SPTBN1: variants seen among roughly 807,000 people sequenced by gnomAD.
SPTBN1 encodes spectrin beta chain, non-erythrocytic 1.
Under a neutral mutation model 266.4 loss-of-function variants are expected in SPTBN1, and 32 were observed. The observed-to-expected ratio is 0.12, with a 90% CI of 0.09 to 0.16. The LOEUF (loss-of-function observed/expected upper bound fraction) is 0.16. Among genes scored for constraint, SPTBN1 ranks in the 10% least tolerant of loss-of-function variants. The pLI is 1.00. For missense variants in SPTBN1, 2,296 were observed against 3,067.1 expected (o/e 0.75, Z 5.94); for synonymous variants, 1,336 against 1,162.2 (o/e 1.15, Z -3.04).
intron 5 of SPTBN1, 34 bp from the exon 6 acceptor site, chr2:54,617,574 G>T (rs370059946): frequency 6.2e-7 from 1 of 1,605,324 alleles, no homozygotes; most frequent in African/African-American, 1.3e-5. Flanking sequence ...TGTGGTAATT[G>T]TGTTGCTTTT....
chr2:54,666,938 C>A (rs1681409435), intron 34 of SPTBN1, among the ~76,000 whole-genome samples: 1 of 152,160 alleles, frequency 6.6e-6, no homozygotes, highest in Non-Finnish European at 1.5e-5. Flanking sequence ...GACAATGCAC[C>A]GGCAGCCTGG....
At chr2:54,463,484 T>G (rs1217516281) in intron 1 of SPTBN1, among the ~76,000 whole-genome samples, 1 of 152,204 alleles carries the variant, frequency 6.6e-6, no homozygotes, top group Non-Finnish European at 1.5e-5. Context: ...GGCCCCAGGC[T>G]TCAGGCTCTT....
intron 1 of SPTBN1, among the ~76,000 whole-genome samples, chr2:54,485,824 G>T (rs894979155): frequency 2.0e-5 from 3 of 149,610 alleles, no homozygotes; most frequent in African/African-American, 7.4e-5. Flanking sequence ...TGAGATGTGG[G>T]GAGCGCCTCT....
At chr2:54,496,173 A>G (rs989755555) in intron 1 of SPTBN1, among the ~76,000 whole-genome samples, 14 of 152,176 alleles carry the variant, frequency 9.2e-5, no homozygotes, top group Non-Finnish European at 1.2e-4. Flanking sequence ...ACGATGACTC[A>G]CACCTGTAAT....
chr2:54,566,185 CTTT>C (rs59369956), intron 2 of SPTBN1, among the ~76,000 whole-genome samples: 9 of 125,206 alleles, frequency 7.2e-5, no homozygotes, highest in Admixed American at 8.3e-5. Context: ...TTTCTTTTTT[CTTT>C]TTTTTTTTTT....
Position 54,554,383 on chromosome 2 carries a change from C to T in SPTBN1, c.148+27817C>T, listed in dbSNP as rs1181098144. The stretch of plus-strand genomic sequence containing the variant: ...TGCAAAATGGTGACCATACCTGCCT[C>T]ACAGGGTTAGTCACTTGAGAAAATA... On this transcript the variant is annotated intron_variant, in intron 2 of 35. Transcript: ENST00000356805. The surrounding 1 kb of genome is among the most constrained non-coding windows in gnomAD (Gnocchi z 4.5). Among the ~76,000 whole-genome samples, 1 of 152,144 alleles carries T rather than the reference C, an allele frequency of 6.6e-6. No homozygotes were observed. Among genetic ancestry groups the T allele is most frequent in the Non-Finnish European group, 1.5e-5 (1 of 68,028 alleles).
chr2:54,589,498 T>C (rs1262101609), intron 2 of SPTBN1, among the ~76,000 whole-genome samples: 2 of 152,220 alleles, frequency 1.3e-5, no homozygotes, highest in African/African-American at 4.8e-5. Flanking sequence ...ATGGTGGGTT[T>C]TGTAGTCGGC....
chr2:54,555,983 T>C (rs1271034945), intron 2 of SPTBN1, among the ~76,000 whole-genome samples: 1 of 152,262 alleles, frequency 6.6e-6, no homozygotes, highest in Non-Finnish European at 1.5e-5. Flanking sequence ...TTTGGTACTT[T>C]ACTGTTTGCA....
intron 1 of SPTBN1, among the ~76,000 whole-genome samples, chr2:54,517,607 G>C (rs1232824914): frequency 3.3e-5 from 5 of 150,582 alleles, no homozygotes; most frequent in African/African-American, 9.8e-5. Context: ...ATCTGATTTT[G>C]TGAATTTTGG....
rs1333770911 is a variant in SPTBN1 at position 54,459,302 on chromosome 2, A to G, written c.-48+2784A>G. On this transcript the variant is annotated intron_variant, in intron 1 of 35. Coordinates refer to ENST00000356805, the MANE Select transcript of SPTBN1 (RefSeq NM_003128.3). ...TTCTGTGAAGAACTTCTCTTGGGCA[A>G]GACTAGTAACAACTATCTGTGATGT... Among the ~76,000 whole-genome samples the G allele has an allele frequency of 4.6e-5, 7 of 152,352 alleles. No homozygotes were observed. In the East Asian group the frequency reaches 1.2e-3, roughly 25 times the overall value.
chr2:54,535,827 C>G (rs753399625), intron 2 of SPTBN1, among the ~76,000 whole-genome samples: 4 of 152,182 alleles, frequency 2.6e-5, no homozygotes, highest in Non-Finnish European at 5.9e-5. Context: ...GCCTGGCCAA[C>G]ATGGTAAAAA....
At position 54,649,702 on chromosome 2, in the gene SPTBN1, G is replaced by C. The variant is rs1480769541; in HGVS notation, c.5290G>C (p.Glu1764Gln). ...RVDTVNHLAD[E>Q]LINSGHSDAA... ...GGACACGGTCAATCACCTGGCAGAT[G>C]AGCTCATCAACTCTGGACATTCAGA... Residue 1764 changes from glutamate to glutamine, a missense_variant, in exon 26 of 36, where the codon GAG becomes CAG. Physicochemically the swap from Glu to Gln is conservative, Grantham distance 29 (BLOSUM62 2). Transcript: ENST00000356805. This position sits in a 1 kb window ranked among gnomAD's most constrained non-coding sequence, Gnocchi z 6.7. 3 of 1,614,036 alleles carry C rather than the reference G, an allele frequency of 1.9e-6. No homozygotes were observed. The African/African-American group carries it at 4.0e-5, about 22-fold the overall frequency.
At chr2:54,657,127 C>G (rs1304459827) in intron 29 of SPTBN1, among the ~76,000 whole-genome samples, 2 of 152,232 alleles carry the variant, frequency 1.3e-5, no homozygotes, top group African/African-American at 2.4e-5. Context: ...AAGCCTGGTT[C>G]TAACCTACCT....
At chr2:54,459,733 T>G (rs961913540) in intron 1 of SPTBN1, among the ~76,000 whole-genome samples, 1 of 152,182 alleles carries the variant, frequency 6.6e-6, no homozygotes, top group Non-Finnish European at 1.5e-5. Flanking sequence ...ATGCAAACCA[T>G]TCTTCCAGAA....
intron 2 of SPTBN1, among the ~76,000 whole-genome samples, chr2:54,581,714 A>G (rs1460930323): frequency 4.6e-5 from 7 of 150,582 alleles, no homozygotes; most frequent in Non-Finnish European, 1.0e-4. Context: ...TTCTCTTGTC[A>G]TTACTACTTC....
At chr2:54,488,150 G>C (rs1021973649) in intron 1 of SPTBN1, among the ~76,000 whole-genome samples, 1 of 151,986 alleles carries the variant, frequency 6.6e-6, no homozygotes, top group Admixed American at 6.6e-5. Context: ...TTATGAATAA[G>C]AATTTCTAGT....
chr2:54,480,234 G>A (rs1192233741), intron 1 of SPTBN1, among the ~76,000 whole-genome samples: 2 of 152,210 alleles, frequency 1.3e-5, no homozygotes, highest in Admixed American at 6.5e-5. Flanking sequence ...AACAGCTGGC[G>A]CTGAGATACA....
At chr2:54,606,651 T>C (rs1278899077) in intron 3 of SPTBN1, among the ~76,000 whole-genome samples, 1 of 152,154 alleles carries the variant, frequency 6.6e-6, no homozygotes, top group African/African-American at 2.4e-5. Context: ...CGTTTCAGCA[T>C]GAGAAATGAT....
chr2:54,475,039 T>A lies in SPTBN1; in HGVS notation c.-48+18521T>A, dbSNP rs565809392. Among the ~76,000 whole-genome samples, 273 of 151,910 alleles carry A rather than the reference T, an allele frequency of 1.8e-3. 1 individual carries two copies. Among genetic ancestry groups the A allele is most frequent in the Non-Finnish European group, 3.6e-3 (243 of 67,952 alleles). ...AATTATAAAAATACAAAATATAAAATTATAAAAATACAAAAAATTAGCCGG... is the reference window on the plus strand; with the variant it reads ...AATTATAAAAATACAAAATATAAAAATATAAAAATACAAAAAATTAGCCGG... On this transcript the variant is annotated intron_variant, in intron 1 of 35. Coordinates refer to ENST00000356805, the MANE Select transcript of SPTBN1 (RefSeq NM_003128.3).
Sources: allele counts gnomAD v4.1 joint callset (sites outside exome capture counted in the v4.1 genomes callset), GRCh38; gene constraint gnomAD v4.1.1; non-coding constraint Gnocchi (gnomAD v3.1); transcripts MANE v1.5; gene names NCBI Gene and HGNC (gene_info 2026-07-23, HGNC 2026-07-21).